The following SCRG1 variants were observed in gnomAD, a reference collection of about 807,000 sequenced individuals.
SCRG1 encodes the protein scrapie-responsive protein 1.
Under a neutral mutation model 7.7 loss-of-function variants are expected in SCRG1, and 3 were observed. The observed-to-expected ratio is 0.39, with a 90% CI of 0.18 to 1.01. The LOEUF is 1.01. Among genes scored for constraint, SCRG1 ranks in the 50% least tolerant of loss-of-function variants. The pLI is 0.36. For missense variants in SCRG1, 110 were observed against 117.2 expected (o/e 0.94, Z 0.28); for synonymous variants, 46 against 41.2 (o/e 1.12, Z -0.44).
chr4:173,454,284 G>A, the SCRG1 span, among the ~76,000 whole-genome samples: 83,153 of 151,272 alleles, frequency 0.55, 24,267 homozygotes, highest in Non-Finnish European at 0.67. Flanking sequence ...GGGAGGTTAG[G>A]ATTGGTTTCT....
rs549128747 is a variant in SCRG1, at chr4:173,388,092, T to G, written c.*249A>C. ...GACAGAACTCTTTAACTGAGTATAA[T>G]GAACACCTCATAGATTACATTTTCT... On this transcript the variant is annotated 3_prime_UTR_variant, in exon 3 of 3. Transcript: ENST00000296506. 2 of 405,098 alleles carry G rather than the reference T, an allele frequency of 4.9e-6. No homozygotes were observed. The highest frequency in any genetic ancestry group is 4.1e-5 in the African/African-American group (2 of 48,294). The allele number at this position is 405,098 out of a possible 1,614,324, so 25.1% of individuals were successfully genotyped here.
rs1255252513 is a variant in SCRG1 at position 173,388,348 on chromosome 4, T to G, written c.290A>C (p.Asn97Thr). 6.2e-7 allele frequency: 1 copy of G among 1,611,476 alleles called. No homozygotes were observed. The highest frequency in any genetic ancestry group is 8.5e-7 in the Non-Finnish European group (1 of 1,178,362). ...PKISFVIPCNNQ is the reference protein window; with the variant it reads ...PKISFVIPCNTQ ...CAGAATACATGAAGATTCTCATTGATTGTTGCAAGGAATCACGAAAGAGAT... is the reference window on the plus strand; with the variant it reads ...CAGAATACATGAAGATTCTCATTGAGTGTTGCAAGGAATCACGAAAGAGAT... The change falls in exon 3 of 3, where the codon AAT (asparagine) becomes ACT (threonine). Residue 97 changes from asparagine (N) to threonine (T), a missense_variant. Transcript: ENST00000296506.
the SCRG1 span, among the ~76,000 whole-genome samples, chr4:173,455,698 A>G: frequency 6.6e-6 from 1 of 152,206 alleles, no homozygotes; most frequent in Non-Finnish European, 1.5e-5. Flanking sequence ...AAAAGCAGTC[A>G]AAGTGCCAGT....
chr4:173,407,273 T>G (rs970404133), upstream of SCRG1, among the ~76,000 whole-genome samples: 13 of 150,278 alleles, frequency 8.7e-5, no homozygotes, highest in Admixed American at 4.0e-4. Flanking sequence ...TCCCAGCACT[T>G]TAGGAGGCCG....
At chr4:173,516,514 G>T in the SCRG1 span, among the ~76,000 whole-genome samples, 1 of 152,196 alleles carries the variant, frequency 6.6e-6, no homozygotes, top group Admixed American at 6.5e-5. Context: ...GGTCGCTCTC[G>T]TTTACGCCCA....
the SCRG1 span, among the ~76,000 whole-genome samples, chr4:173,483,819 T>TC: frequency 2.0e-5 from 2 of 97,586 alleles, no homozygotes; most frequent in African/African-American, 8.9e-5. Context: ...ATGTAATATA[T>TC]ATAATATATA....
upstream of SCRG1, among the ~76,000 whole-genome samples, chr4:173,408,446 C>T (rs1442596822): frequency 6.6e-6 from 1 of 152,154 alleles, no homozygotes; most frequent in Non-Finnish European, 1.5e-5. Flanking sequence ...ATGTTAGTGA[C>T]TCGTGTTGAT....
the SCRG1 span, among the ~76,000 whole-genome samples, chr4:173,454,064 C>T: frequency 1.3e-4 from 17 of 131,188 alleles, no homozygotes; most frequent in Admixed American, 1.1e-3. Flanking sequence ...CGTGACAGAA[C>T]GAGACTCCGT....
the SCRG1 span, among the ~76,000 whole-genome samples, chr4:173,504,007 C>T: frequency 6.6e-6 from 1 of 152,162 alleles, no homozygotes; most frequent in Non-Finnish European, 1.5e-5. The surrounding 1 kb of genome is among the most constrained non-coding windows in gnomAD (Gnocchi z 4.7). Flanking sequence ...CCAGTAATTG[C>T]ATTCCAGTCC....
At chr4:173,500,206 C>T in the SCRG1 span, among the ~76,000 whole-genome samples, 2,810 of 152,318 alleles carry the variant, frequency 0.018, 77 homozygotes, top group African/African-American at 0.055. Context: ...GCGAAAACGC[C>T]CCAGATGTTT....
the SCRG1 span, among the ~76,000 whole-genome samples, chr4:173,500,375 C>T: frequency 2.0e-5 from 3 of 152,312 alleles, no homozygotes; most frequent in Non-Finnish European, 4.4e-5. Flanking sequence ...CCCTGTTCGC[C>T]GGGGAGTGGC....
At chr4:173,450,536 G>C in the SCRG1 span, among the ~76,000 whole-genome samples, 1 of 152,108 alleles carries the variant, frequency 6.6e-6, no homozygotes, top group Non-Finnish European at 1.5e-5. Context: ...CATGCTGATA[G>C]CAAGCACTGC....
the SCRG1 span, among the ~76,000 whole-genome samples, chr4:173,488,671 T>G: frequency 6.6e-6 from 1 of 152,186 alleles, no homozygotes; most frequent in South Asian, 2.1e-4. Context: ...CAGGCCCTTT[T>G]GGGATGAAAT....
At chr4:173,516,692 G>T in the SCRG1 span, among the ~76,000 whole-genome samples, 73 of 152,222 alleles carry the variant, frequency 4.8e-4, no homozygotes, top group Admixed American at 4.7e-3. Flanking sequence ...AAGATGGACT[G>T]CCGGAGAAAG....
At chr4:173,431,309 C>T in the SCRG1 span, among the ~76,000 whole-genome samples, 13 of 152,040 alleles carry the variant, frequency 8.6e-5, no homozygotes, top group East Asian at 1.9e-4. Context: ...TGTGGACCAG[C>T]GGGCAAAGGG....
chr4:173,406,324 T>TAG (rs1739905117), exon 1 of SCRG1: 1 of 152,244 alleles, frequency 6.6e-6, no homozygotes, highest in African/African-American at 2.4e-5. Context: ...TACCTTTAGT[T>TAG]TGACAGACTC....
chr4:173,450,982 A>T, the SCRG1 span, among the ~76,000 whole-genome samples: 1 of 152,126 alleles, frequency 6.6e-6, no homozygotes, highest in Non-Finnish European at 1.5e-5. Context: ...AAGGGGGAGG[A>T]GCTAAAGACG....
At chr4:173,451,672 TTATTTATTTATTTTG>T in the SCRG1 span, among the ~76,000 whole-genome samples, 1 of 145,000 alleles carries the variant, frequency 6.9e-6, no homozygotes, top group Non-Finnish European at 1.5e-5. Flanking sequence ...ATTTATTTAT[TTATTTATTTATTTTG>T]AGACAGAGTC....
chr4:173,508,979 T>C, the SCRG1 span, among the ~76,000 whole-genome samples: 1 of 152,182 alleles, frequency 6.6e-6, no homozygotes, highest in Non-Finnish European at 1.5e-5. This position sits in a 1 kb window ranked among gnomAD's most constrained non-coding sequence, Gnocchi z 4.4. Flanking sequence ...CCCTGTTTCT[T>C]AGAATATTTC....
Sources: allele counts gnomAD v4.1 joint callset (sites outside exome capture counted in the v4.1 genomes callset), GRCh38; gene constraint gnomAD v4.1.1; non-coding constraint Gnocchi (gnomAD v3.1); transcripts MANE v1.5; gene names NCBI Gene and HGNC (gene_info 2026-07-23, HGNC 2026-07-21).